The following MGST1 variants were observed in gnomAD, a reference collection of about 807,000 sequenced individuals.
MGST1 encodes microsomal glutathione S-transferase 1, also known as glutathione S-transferase 12.
MGST1 carries 5 observed loss-of-function variants against 8.9 expected under a neutral mutation model. That is an observed-to-expected ratio of 0.56 (90% CI 0.29 to 1.19). MGST1 has a LOEUF of 1.19. MGST1 is among the 50% of genes most tolerant of loss of function. MGST1 has a pLI of 0.08. For missense variants in MGST1, 182 were observed against 187.4 expected (o/e 0.97, Z 0.17); for synonymous variants, 54 against 67.8 (o/e 0.80, Z 1.00).
chr12:16,510,784 C>A (rs1051523524), intron 4 of MGST1, among the ~76,000 whole-genome samples: 1 of 152,084 alleles, frequency 6.6e-6, no homozygotes, highest in East Asian at 1.9e-4. Flanking sequence ...CTTCCTGGTT[C>A]GAAGGATGAC....
At chr12:16,519,458 G>T (rs1308325407) in intron 4 of MGST1, among the ~76,000 whole-genome samples, 1 of 152,096 alleles carries the variant, frequency 6.6e-6, no homozygotes, top group Non-Finnish European at 1.5e-5. Context: ...ACTGGCAGTG[G>T]ATCCAAGATA....
intron 4 of MGST1, among the ~76,000 whole-genome samples, chr12:16,459,791 T>A (rs1044931844): frequency 6.6e-6 from 1 of 152,108 alleles, no homozygotes; most frequent in African/African-American, 2.4e-5. Context: ...GACCTTGATA[T>A]ATACAATGCC....
At chr12:16,366,407 T>C (rs541726129), downstream of MGST1, among the ~76,000 whole-genome samples, 60 of 152,230 alleles carry the variant, frequency 3.9e-4, no homozygotes, top group South Asian at 0.012. This position sits in a 1 kb window ranked among gnomAD's most constrained non-coding sequence, Gnocchi z 4.0. Context: ...TAGTCTCTCC[T>C]GAAACAAGGA....
In MGST1 at chr12:16,546,601, T is replaced by TTTAA. The variant is rs1941826128; in HGVS notation, n.483-42922_483-42919dup. ...TTTCCTTTTCAGAAAACAGAATTCT[T>TTTAA]TTAATTAAAAACATTTTTAAAAAGT... On this transcript the variant is annotated intron_variant and non_coding_transcript_variant, in intron 4 of 4. Coordinates refer to the MGST1 transcript ENST00000538857. The surrounding 1 kb of genome is among the most constrained non-coding windows in gnomAD (Gnocchi z 4.7). Among the ~76,000 whole-genome samples the TTTAA allele has an allele frequency of 2.0e-5, 3 of 152,268 alleles. No homozygotes were observed. The East Asian group carries it at 5.8e-4, about 29-fold the overall frequency.
In MGST1 at chr12:16,589,325, T is replaced by C. The variant is rs953586549; in HGVS notation, n.483-203T>C. 1.3e-5 allele frequency among the ~76,000 whole-genome samples: 2 copies of C among 152,130 alleles called. No homozygotes were observed. Among genetic ancestry groups the C allele is most frequent in the African/African-American group, 4.8e-5 (2 of 41,442 alleles). On this transcript the variant is annotated intron_variant and non_coding_transcript_variant, in intron 4 of 4. Transcript: ENST00000538857. This position sits in a 1 kb window ranked among gnomAD's most constrained non-coding sequence, Gnocchi z 4.2. Reference sequence around the variant, plus strand: ...AGGGGCAATACCTAATGTAGTAGAATAATGAGAAACACATGATGAGACATT... The same window carrying C: ...AGGGGCAATACCTAATGTAGTAGAACAATGAGAAACACATGATGAGACATT...
intron 4 of MGST1, among the ~76,000 whole-genome samples, chr12:16,523,798 G>T (rs750496210): frequency 1.1e-4 from 16 of 152,088 alleles, no homozygotes; most frequent in Non-Finnish European, 2.2e-4. Flanking sequence ...AACTGAAACT[G>T]ACTATGAACA....
At chr12:16,502,659 T>A (rs1324780191) in intron 4 of MGST1, among the ~76,000 whole-genome samples, 1 of 152,048 alleles carries the variant, frequency 6.6e-6, no homozygotes, top group Non-Finnish European at 1.5e-5. Flanking sequence ...AACACTGAAG[T>A]CAAACAAAGA....
rs187400578 is a variant in MGST1, at chr12:16,451,135, A to G, written n.482+67531A>G. Among the ~76,000 whole-genome samples, 28 of 152,076 alleles carry G rather than the reference A, an allele frequency of 1.8e-4. No homozygotes were observed. The East Asian group carries it at 3.9e-3, about 21-fold the overall frequency. The stretch of plus-strand genomic sequence containing the variant: ...TTCAGTTTTCAAAATTACATTGTAA[A>G]TTGTTTGAATTGGACTTTGAAACAA... On this transcript the variant is annotated intron_variant and non_coding_transcript_variant, in intron 4 of 4. Transcript: ENST00000538857.
chr12:16,427,912 C>T (rs369705235), intron 1 of MGST1, among the ~76,000 whole-genome samples: 18 of 151,872 alleles, frequency 1.2e-4, no homozygotes, highest in African/African-American at 3.9e-4. Flanking sequence ...TTTATTACTT[C>T]TTTTTGGTTT....
At chr12:16,405,536 GA>G (rs1352700743) in intron 1 of MGST1, among the ~76,000 whole-genome samples, 4 of 151,472 alleles carry the variant, frequency 2.6e-5, no homozygotes, top group African/African-American at 9.8e-5. Context: ...AAAAATTGAG[GA>G]GGAGGGACTC....
rs3029719 is a variant in MGST1 at position 16,544,221 on chromosome 12, TACACACACACACACACAC to T, written n.483-45281_483-45264del. Among the ~76,000 whole-genome samples, 8 of 138,794 alleles carry T rather than the reference TACACACACACACACACAC, an allele frequency of 5.8e-5. No homozygotes were observed. Among genetic ancestry groups the T allele is most frequent in the Admixed American group, 2.9e-4 (4 of 13,642 alleles). The allele number at this position is 138,794 out of a possible 152,430, so 91.1% of individuals were successfully genotyped here. A position where few individuals can be genotyped will look rare whatever the true frequency, so the allele number is the denominator to read the frequency against. On this transcript the variant is annotated intron_variant and non_coding_transcript_variant, in intron 4 of 4. Coordinates refer to the MGST1 transcript ENST00000538857. This position sits in a 1 kb window ranked among gnomAD's most constrained non-coding sequence, Gnocchi z 4.8. ...TTAAATTGACACCTTAAGTAAGAAC[TACACACACACACACACAC>T]ACACACACACACACACACACACACA...
chr12:16,580,057 ATAT>A (rs1344775788), intron 4 of MGST1, among the ~76,000 whole-genome samples: 3 of 152,196 alleles, frequency 2.0e-5, no homozygotes, highest in South Asian at 2.1e-4. Context: ...GAGATAACAG[ATAT>A]TATGTATTTC....
chr12:16,400,346 C>A, intron 1 of MGST1: 1 of 807,430 alleles, frequency 1.2e-6, no homozygotes, highest in South Asian at 1.4e-5. Context: ...TCCAGTTTGT[C>A]TCCTCGAACA....
chr12:16,440,595 T>C (rs1591728955), downstream of MGST1, among the ~76,000 whole-genome samples: 1 of 151,834 alleles, frequency 6.6e-6, no homozygotes, highest in East Asian at 1.9e-4. Context: ...TTTTGCATTC[T>C]GGTGTGGAAT....
intron 4 of MGST1, among the ~76,000 whole-genome samples, chr12:16,535,673 A>C (rs1452472671): frequency 6.6e-6 from 1 of 152,212 alleles, no homozygotes; most frequent in Non-Finnish European, 1.5e-5. Flanking sequence ...TAAAGCAGCA[A>C]CAATATAAAT....
intron 4 of MGST1, chr12:16,514,446 C>A: frequency 3.7e-6 from 1 of 272,956 alleles, no homozygotes; most frequent in South Asian, 3.8e-5. Flanking sequence ...CATGCAGACT[C>A]AGCTGGTCTC....
chr12:16,400,971 G>A (rs1245583455), intron 1 of MGST1: 1 of 1,425,184 alleles, frequency 7.0e-7, no homozygotes, highest in African/African-American at 1.4e-5. Flanking sequence ...TCTTCATTGA[G>A]TTGAGCCACT....
chr12:16,504,290 T>A (rs564592580), intron 4 of MGST1, among the ~76,000 whole-genome samples: 1 of 145,046 alleles, frequency 6.9e-6, no homozygotes, highest in South Asian at 2.1e-4. Flanking sequence ...TACTTTCAGC[T>A]CTTGAAAATC....
intron 4 of MGST1, among the ~76,000 whole-genome samples, chr12:16,570,555 T>C (rs1942780772): frequency 6.6e-6 from 1 of 152,188 alleles, no homozygotes; most frequent in East Asian, 1.9e-4. Context: ...GACATTTTCT[T>C]AGATCTTTGT....
Sources: allele counts gnomAD v4.1 joint callset (sites outside exome capture counted in the v4.1 genomes callset), GRCh38; gene constraint gnomAD v4.1.1; non-coding constraint Gnocchi (gnomAD v3.1); transcripts MANE v1.5; gene names NCBI Gene and HGNC (gene_info 2026-07-23, HGNC 2026-07-21).